EOGT: variants seen among roughly 807,000 people sequenced by gnomAD.
EOGT encodes the protein EGF domain specific O-linked N-acetylglucosamine transferase, also known as EGF domain-specific O-linked N-acetylglucosamine transferase.
A neutral mutation model predicts 70.5 loss-of-function variants in EOGT; 55 were observed. That is an observed-to-expected ratio of 0.78 (90% CI 0.63 to 0.98). The LOEUF is 0.98. Among genes scored for constraint, EOGT ranks in the 50% least tolerant of loss-of-function variants. The probability of loss-of-function intolerance (pLI) is 0.00; values close to 1 mark genes in which losing one functional copy is unlikely to be tolerated. For synonymous variants in EOGT, 246 were observed against 217.1 expected (o/e 1.13, Z -1.17); for missense variants, 703 against 641.9 (o/e 1.10, Z -1.03).
At chr3:68,987,382 A>C in intron 14 of EOGT, 63 bp downstream of exon 14, 1 of 1,272,574 alleles carries the variant, frequency 7.9e-7, no homozygotes, top group Non-Finnish European at 1.1e-6. Context: ...TGAAAAAAAA[A>C]AAAACACAAT....
Position 68,988,372 on chromosome 3 carries a change from A to T in EOGT, c.1006T>A (p.Cys336Ser). 6.5e-7 allele frequency: 1 copy of T among 1,535,404 alleles called. No homozygotes were observed. Among genetic ancestry groups the T allele is most frequent in the Non-Finnish European group, 8.7e-7 (1 of 1,146,264 alleles). The change falls in exon 13 of 18, where the codon TGT becomes AGT. Residue 336 changes from cysteine to serine, a missense_variant. Coordinates refer to ENST00000383701, the MANE Select transcript of EOGT (RefSeq NM_001278689.2). ...LFYNTPLISG[C>S]QNTGLFRAFA... Reference sequence around the variant, plus strand: ...GCCCTGAATAGTCCAGTATTTTGACAGCCAGATATCTAAAATAAAAACACT... The same window carrying T: ...GCCCTGAATAGTCCAGTATTTTGACTGCCAGATATCTAAAATAAAAACACT...
At chr3:68,977,844 T>G in intron 17 of EOGT, 80 bp from the exon 18 acceptor site, 1 of 1,420,884 alleles carries the variant, frequency 7.0e-7, no homozygotes. Flanking sequence ...TATGTTACTT[T>G]GGTTAAGGCA....
At position 69,009,838 on chromosome 3, in the gene EOGT, C is replaced by T. The variant is rs955248827; in HGVS notation, c.9G>A (p.Met3Ile). ...GAAGTAAGACTCCAAAGACAAACAA[C>T]ATTAACATAGCAACCTGCAAACCTA... The part of the protein sequence containing the change: ML[M>I]LFVFGVLLHE... Residue 3 changes from methionine (M) to isoleucine (I), a missense_variant, in exon 4 of 18, where the codon ATG (methionine) becomes ATA (isoleucine). By Grantham distance (10) the Met-to-Ile change is conservative. Transcript: ENST00000383701. 1.4e-5 allele frequency: 23 copies of T among 1,589,688 alleles called. No individual in the cohort carries two copies. The highest frequency in any genetic ancestry group is 2.7e-5 in the African/African-American group (2 of 73,108).
chr3:68,997,773 C>T (rs1396436071), intron 10 of EOGT, among the ~76,000 whole-genome samples: 1 of 152,196 alleles, frequency 6.6e-6, no homozygotes, highest in African/African-American at 2.4e-5. Context: ...AGAAACCTTC[C>T]CCACTGCCTC....
rs1011335550 is a variant in EOGT at position 68,977,742 on chromosome 3, T to C, written c.1460A>G (p.Glu487Gly). ...AGAGTAGTTGGTGAACTTCGGGTGCTCCCCCAGGGTTGGATGGTGGCCCTG... is the reference window on the plus strand; with the variant it reads ...AGAGTAGTTGGTGAACTTCGGGTGCCCCCCCAGGGTTGGATGGTGGCCCTG... ...QDKGHHPTLGEHPKFTNYSFD... is the reference protein window; with the variant it reads ...QDKGHHPTLGGHPKFTNYSFD... The change falls in exon 18 of 18, where the codon GAG becomes GGG. Residue 487 changes from glutamate (E) to glycine (G), a missense_variant. Transcript: ENST00000383701. 14 of 1,612,910 alleles carry C rather than the reference T, an allele frequency of 8.7e-6. No homozygotes were observed. In the Admixed American group the frequency reaches 2.0e-4, roughly 23 times the overall value.
In EOGT at chr3:68,977,715, A is replaced by G. The variant is rs1314077218; in HGVS notation, c.1487T>C (p.Phe496Ser). The G allele has an allele frequency of 1.9e-6, 3 of 1,613,900 alleles. No individual in the cohort carries two copies. Among genetic ancestry groups the G allele is most frequent in the African/African-American group, 1.3e-5 (1 of 75,036 alleles). The change falls in exon 18 of 18, where the codon TTC becomes TCC. Residue 496 changes from phenylalanine to serine, a missense_variant. Transcript: ENST00000383701. ...GEHPKFTNYSFDVEEFMYLVL... is the reference protein window; with the variant it reads ...GEHPKFTNYSSDVEEFMYLVL... Reference sequence around the variant, plus strand: ...AAGATACATAAATTCTTCTACATCGAAAGAGTAGTTGGTGAACTTCGGGTG... The same window carrying G: ...AAGATACATAAATTCTTCTACATCGGAAGAGTAGTTGGTGAACTTCGGGTG...
In EOGT at chr3:68,999,169, T is replaced by G. The variant is rs561222437; in HGVS notation, c.728-1055A>C. Among the ~76,000 whole-genome samples the G allele has an allele frequency of 2.6e-5, 4 of 152,328 alleles. No individual in the cohort carries two copies. In the South Asian group the frequency reaches 8.3e-4, roughly 32 times the overall value. Reference sequence around the variant, plus strand: ...TAGAAATGGGAAATAGTTACCTAAGTGCCAGCTTTATTATGAGAAACCCAA... The same window carrying G: ...TAGAAATGGGAAATAGTTACCTAAGGGCCAGCTTTATTATGAGAAACCCAA... On this transcript the variant is annotated intron_variant, in intron 9 of 17. Transcript: ENST00000383701.
intron 9 of EOGT, among the ~76,000 whole-genome samples, chr3:69,000,629 A>G (rs1213614472): frequency 6.6e-6 from 1 of 152,152 alleles, no homozygotes; most frequent in African/African-American, 2.4e-5. Context: ...GGCTCTCTAT[A>G]TTTCACTGTA....
Position 68,989,000 on chromosome 3 carries a change from A to G in EOGT, c.849T>C (p.Gly283=). 6.5e-7 allele frequency: 1 copy of G among 1,528,466 alleles called. No homozygotes were observed. The highest frequency in any genetic ancestry group is 8.8e-7 in the Non-Finnish European group (1 of 1,141,748). 94.7% of individuals were successfully genotyped at this position (1,528,466 alleles called of 1,614,324 possible). A position where few individuals can be genotyped will look rare whatever the true frequency, so the allele number is the denominator to read the frequency against. Residue 283 remains glycine (G), a synonymous_variant, in exon 11 of 18, where the codon GGT becomes GGC. Transcript: ENST00000383701. ...VMWDTSSYGY[G]DLFSDTWNAF... ...CATTCCATGTGTCGGAGAATAGGTC[A>G]CCATATCCGTAAGAACTCTGAAAGT...
intron 10 of EOGT, among the ~76,000 whole-genome samples, chr3:68,994,988 C>A (rs1466975364): frequency 6.6e-6 from 1 of 152,074 alleles, no homozygotes; most frequent in Non-Finnish European, 1.5e-5. Flanking sequence ...CTGAAGATGC[C>A]ACATGCTGAA....
intron 10 of EOGT, among the ~76,000 whole-genome samples, chr3:68,993,647 C>G (rs1282278024): frequency 6.6e-6 from 1 of 152,160 alleles, no homozygotes; most frequent in African/African-American, 2.4e-5. Flanking sequence ...ATCTTTTCAG[C>G]AACACCCCAC....
rs192326423 is a variant in EOGT at position 68,996,438 on chromosome 3, C to T, written c.831+1573G>A. Reference sequence around the variant, plus strand: ...GTGTCAACAAGCCTAGGCAACAATGCTTCTGATCTAAAAAGATGCTTGATG... The same window carrying T: ...GTGTCAACAAGCCTAGGCAACAATGTTTCTGATCTAAAAAGATGCTTGATG... On this transcript the variant is annotated intron_variant, in intron 10 of 17. Coordinates refer to ENST00000383701, the MANE Select transcript of EOGT (RefSeq NM_001278689.2). Among the ~76,000 whole-genome samples, 4 of 152,368 alleles carry T rather than the reference C, an allele frequency of 2.6e-5. No individual in the cohort carries two copies. The East Asian group carries it at 7.7e-4, about 29-fold the overall frequency.
chr3:68,989,878 C>T (rs928725118), intron 10 of EOGT, among the ~76,000 whole-genome samples: 1 of 151,058 alleles, frequency 6.6e-6, no homozygotes, highest in Non-Finnish European at 1.5e-5. Context: ...AAGTTTAAGG[C>T]TGCAGTGAGC....
At chr3:69,002,376 G>C (rs2091319316) in intron 8 of EOGT, among the ~76,000 whole-genome samples, 1 of 152,136 alleles carries the variant, frequency 6.6e-6, no homozygotes. Flanking sequence ...ATACCCTAGG[G>C]TACACTTTGG....
intron 9 of EOGT, among the ~76,000 whole-genome samples, chr3:68,998,835 TAA>T (rs5849871): frequency 7.3e-5 from 8 of 109,966 alleles, no homozygotes; most frequent in Non-Finnish European, 7.1e-5. Context: ...AGACTCTGTC[TAA>T]AAAAAAAAAA....
At chr3:69,013,425 G>C (rs1389510858) in intron 1 of EOGT, 149 bp downstream of exon 1, 1 of 152,114 alleles carries the variant, frequency 6.6e-6, no homozygotes, top group Non-Finnish European at 1.5e-5. Context: ...GCAGGGAATG[G>C]GAAGGCGCGG....
intron 10 of EOGT, among the ~76,000 whole-genome samples, chr3:68,992,604 T>C (rs745968766): frequency 4.6e-5 from 7 of 152,156 alleles, no homozygotes; most frequent in Non-Finnish European, 1.0e-4. Context: ...TGTCAGTGGA[T>C]CTACCATTCT....
At chr3:68,990,019 A>G (rs897370425) in intron 10 of EOGT, among the ~76,000 whole-genome samples, 4 of 152,142 alleles carry the variant, frequency 2.6e-5, no homozygotes, top group African/African-American at 9.7e-5. Context: ...TAGTGAATAA[A>G]AAGTGGTAAT....
At chr3:68,979,459 A>AG (rs1290072905) in intron 16 of EOGT, among the ~76,000 whole-genome samples, 1 of 152,210 alleles carries the variant, frequency 6.6e-6, no homozygotes, top group Non-Finnish European at 1.5e-5. Context: ...GGGAAGATGA[A>AG]GGGGTAGTTG....
Sources: gnomAD v4.1 joint callset for allele counts (sites outside exome capture counted in the v4.1 genomes callset) on GRCh38, gnomAD v4.1.1 for gene constraint, MANE v1.5 for transcripts, NCBI Gene and HGNC (gene_info 2026-07-23, HGNC 2026-07-21) for gene names.